The following STARD9 variants were observed in gnomAD, a reference collection of about 807,000 sequenced individuals.
STARD9 encodes the protein StAR related lipid transfer domain containing 9, also known as stAR-related lipid transfer protein 9.
STARD9 carries 346 observed loss-of-function variants against 399.8 expected under a neutral mutation model. The ratio of observed to expected loss-of-function variants is 0.87; its 90% CI spans 0.79 to 0.95. The LOEUF is 0.95. STARD9 is among the 40% of genes least tolerant of loss of function. The pLI is 0.00. For missense variants in STARD9, 5,832 were observed against 5,667.5 expected (o/e 1.03, Z -0.93); for synonymous variants, 2,203 against 2,143.5 (o/e 1.03, Z -0.77).
chr15:42,636,555 T>C (rs1255621819), intron 4 of STARD9, among the ~76,000 whole-genome samples: 1 of 152,004 alleles, frequency 6.6e-6, no homozygotes, highest in Admixed American at 6.6e-5. Context: ...CACTCCAGCC[T>C]GGGAAATGGG....
intron 3 of STARD9, among the ~76,000 whole-genome samples, chr15:42,614,634 T>C (rs761975707): frequency 1.5e-4 from 23 of 152,124 alleles, no homozygotes; most frequent in Non-Finnish European, 2.9e-4. Flanking sequence ...TTTTACCCTT[T>C]GACCTAGGGG....
In STARD9 at chr15:42,600,650, C is replaced by T. The variant is rs546290237; in HGVS notation, c.234+15013C>T. 4.0e-4 allele frequency among the ~76,000 whole-genome samples: 60 copies of T among 151,620 alleles called. No homozygotes were observed. In the East Asian group the frequency reaches 9.9e-3, roughly 25 times the overall value. ...AAGCGGTTCTCCTGCCTCAGCCTCC[C>T]GAGTAGCTGGGATTATAGGCATGCA... is the stretch of plus-strand genomic sequence containing the variant. On this transcript the variant is annotated intron_variant, in intron 3 of 32. Transcript: ENST00000290607.
At chr15:42,643,048 C>T (rs1485416994) in intron 7 of STARD9, among the ~76,000 whole-genome samples, 11 of 149,726 alleles carry the variant, frequency 7.3e-5, no homozygotes, top group African/African-American at 2.7e-4. Context: ...TTTTTAATTC[C>T]AATCTTTGGT....
chr15:42,605,787 C>G (rs141192915), intron 3 of STARD9, among the ~76,000 whole-genome samples: 2 of 152,302 alleles, frequency 1.3e-5, no homozygotes, highest in Non-Finnish European at 2.9e-5. Flanking sequence ...GAGAAGACAT[C>G]TGACAGGGAT....
rs1489408808 is a variant in STARD9, at chr15:42,693,529, G to A, written c.11951G>A (p.Ser3984Asn). Residue 3984 changes from serine to asparagine, a missense_variant, in exon 23 of 33, where the codon AGC (serine) becomes AAC (asparagine). By Grantham distance (46) the Ser-to-Asn change is conservative (BLOSUM62 1). Coordinates refer to ENST00000290607, the MANE Select transcript of STARD9 (RefSeq NM_020759.3). ...RSFLELHSPH[S>N]PQQSPKLQFS... ...TTCCTTGAGTTGCACTCCCCACACA[G>A]CCCACAGCAGAGTCCAAAACTCCAA... 1.3e-6 allele frequency: 2 copies of A among 1,537,142 alleles called. No individual in the cohort carries two copies. The highest frequency in any genetic ancestry group is 2.7e-5 in the African/African-American group (2 of 73,044).
At chr15:42,670,764 T>C (rs570020756) in intron 16 of STARD9, 11 of 152,258 alleles carry the variant, frequency 7.2e-5, no homozygotes, top group African/African-American at 2.6e-4. Context: ...AGACAGAAAA[T>C]TTAAAGTAGC....
intron 1 of STARD9, among the ~76,000 whole-genome samples, chr15:42,582,894 T>G (rs2058203664): frequency 6.6e-6 from 1 of 152,200 alleles, no homozygotes; most frequent in African/African-American, 2.4e-5. Flanking sequence ...TTCTAAGGTA[T>G]AATTCAGAGC....
intron 26 of STARD9, among the ~76,000 whole-genome samples, chr15:42,711,985 C>T (rs987592410): frequency 7.5e-6 from 1 of 133,078 alleles, no homozygotes; most frequent in Non-Finnish European, 1.5e-5. Context: ...TTGATTATAG[C>T]TGTCCTAGTG....
At chr15:42,633,463 A>G (rs1465748976) in intron 3 of STARD9, among the ~76,000 whole-genome samples, 2 of 152,176 alleles carry the variant, frequency 1.3e-5, no homozygotes. Flanking sequence ...TCACAGAATC[A>G]TCTGATTTGA....
intron 1 of STARD9, 34 bp from the exon 2 acceptor site, chr15:42,583,309 AAAC>A (rs1475067431): frequency 4.7e-6 from 7 of 1,490,440 alleles, no homozygotes; most frequent in Non-Finnish European, 5.4e-6. Flanking sequence ...TTGATTTTAA[AAAC>A]AACATTTCTT....
At chr15:42,635,897 G>A in intron 4 of STARD9, among the ~76,000 whole-genome samples, 1 of 152,154 alleles carries the variant, frequency 6.6e-6, no homozygotes, top group Non-Finnish European at 1.5e-5. Flanking sequence ...CCTGAGTCAG[G>A]GGCTTTCAAA....
intron 4 of STARD9, 31 bp from the exon 5 acceptor site, chr15:42,637,876 C>T (rs752460787): frequency 1.3e-6 from 2 of 1,535,786 alleles, no homozygotes; most frequent in African/African-American, 2.7e-5. Flanking sequence ...CTTAAGTAAA[C>T]AATAATGCTT....
At chr15:42,705,589 C>T (rs1350171729) in intron 26 of STARD9, among the ~76,000 whole-genome samples, 2 of 152,108 alleles carry the variant, frequency 1.3e-5, no homozygotes, top group Admixed American at 6.5e-5. Context: ...CATGCATCAC[C>T]CTCCATGCCT....
chr15:42,694,234 A>T lies in STARD9; in HGVS notation c.12656A>T (p.His4219Leu). Residue 4219 changes from histidine (H) to leucine (L), a missense_variant, in exon 23 of 33, where the codon CAT becomes CTT. His to Leu is a moderately conservative substitution (Grantham distance 99). This residue lies in a region of STARD9 where 5,828 missense variants were observed against 5,651.1 expected (regional missense o/e 1.03). Coordinates refer to ENST00000290607, the MANE Select transcript of STARD9 (RefSeq NM_020759.3). ...GAACTCACAGAAGCGAAACTGCACC[A>T]TGGCTTTGGGGAGGCCGATGCCCTG... Reference protein sequence around the residue: ...SVELTEAKLHHGFGEADALLQ... With the variant: ...SVELTEAKLHLGFGEADALLQ... The T allele has an allele frequency of 6.5e-7, 1 of 1,534,828 alleles. No homozygotes were observed. Among genetic ancestry groups the T allele is most frequent in the Middle Eastern group, 1.7e-4 (1 of 5,972 alleles).
intron 1 of STARD9, among the ~76,000 whole-genome samples, chr15:42,582,453 A>G (rs1480629121): frequency 6.6e-6 from 1 of 152,182 alleles, no homozygotes; most frequent in Admixed American, 6.6e-5. Context: ...CATTAAAGTG[A>G]GTGTAGAGAT....
chr15:42,587,213 A>G (rs146020186), intron 3 of STARD9, among the ~76,000 whole-genome samples: 10 of 152,336 alleles, frequency 6.6e-5, no homozygotes, highest in Non-Finnish European at 1.5e-4. Context: ...AGTGACTCAG[A>G]GGAGACAGTA....
intron 7 of STARD9, among the ~76,000 whole-genome samples, chr15:42,645,505 G>A (rs1304973663): frequency 6.6e-6 from 1 of 151,870 alleles, no homozygotes; most frequent in Non-Finnish European, 1.5e-5. Flanking sequence ...CAGGCTTTAT[G>A]GTTCCATTTA....
chr15:42,638,066 C>T lies in STARD9; in HGVS notation c.425C>T (p.Ser142Phe), dbSNP rs1425796446. 1.3e-6 allele frequency: 2 copies of T among 1,537,260 alleles called. No homozygotes were observed. The highest frequency in any genetic ancestry group is 8.7e-7 in the Non-Finnish European group (1 of 1,146,944). Reference sequence around the variant, plus strand: ...GAGAAAGACTGTGCCTCACTGCCTTCCTCCTGTAGGATAAAAGTAAGGTAA... The same window carrying T: ...GAGAAAGACTGTGCCTCACTGCCTTTCTCCTGTAGGATAAAAGTAAGGTAA... ...VREKDCASLP[S>F]SCRIKVSFLE... Residue 142 changes from serine to phenylalanine, a missense_variant, in exon 6 of 33, where the codon TCC becomes TTC. Coordinates refer to ENST00000290607, the MANE Select transcript of STARD9 (RefSeq NM_020759.3).
Position 42,661,268 on chromosome 15 carries a change from G to T in STARD9, c.770+43G>T, listed in dbSNP as rs542362672. 9 of 1,348,944 alleles carry T rather than the reference G, an allele frequency of 6.7e-6. No homozygotes were observed. In the African/African-American group the frequency reaches 8.6e-5, roughly 13 times the overall value. The allele number at this position is 1,348,944 out of a possible 1,614,324, so 83.6% of individuals were successfully genotyped here. On this transcript the variant is annotated intron_variant, in intron 10 of 32. Coordinates refer to ENST00000290607, the MANE Select transcript of STARD9 (RefSeq NM_020759.3). ...GCTAAGGGGAATTACTCTTGTTCTT[G>T]CCTGTTTTACAGGGAATAAGCTGTT...
Sources: allele counts gnomAD v4.1 joint callset (sites outside exome capture counted in the v4.1 genomes callset), GRCh38; gene constraint gnomAD v4.1.1; regional missense constraint gnomAD v4.1.1; transcripts MANE v1.5; gene names NCBI Gene and HGNC (gene_info 2026-07-23, HGNC 2026-07-21).